The following NRK variants were observed in gnomAD, a reference collection of about 807,000 sequenced individuals.
NRK encodes the protein nik-related protein kinase.
In NRK, 67 loss-of-function variants were observed where a neutral mutation model predicts 125.2. The observed-to-expected ratio is 0.54, with a 90% CI of 0.44 to 0.66. NRK has a LOEUF of 0.66. Ranked by LOEUF, NRK falls within the 30% of genes least tolerant of loss-of-function variation. NRK has a pLI of 0.00. For synonymous variants in NRK, 458 were observed against 429.0 expected (o/e 1.07, Z -0.84); for missense variants, 1,224 against 1,192.9 (o/e 1.03, Z -0.38).
intron 19 of NRK, among the ~76,000 whole-genome samples, chrX:105,925,999 A>G (rs2040519159): frequency 2.7e-5 from 3 of 111,025 alleles, no homozygotes; most frequent in South Asian, 7.6e-4. Flanking sequence ...TGGTAGTTCT[A>G]TTTGTAGTTT....
intron 2 of NRK, among the ~76,000 whole-genome samples, chrX:105,869,642 C>T (rs1000204400): frequency 9.0e-6 from 1 of 111,525 alleles, no homozygotes; most frequent in African/African-American, 3.3e-5. Flanking sequence ...TTCACCTCAT[C>T]TTTATATTAA....
intron 1 of NRK, among the ~76,000 whole-genome samples, chrX:105,826,134 GATAT>G (rs1206763073): frequency 3.4e-5 from 3 of 88,563 alleles, no homozygotes; most frequent in African/African-American, 1.3e-4. Context: ...TATATGGTAA[GATAT>G]ATATATGATT....
intron 5 of NRK, among the ~76,000 whole-genome samples, chrX:105,889,183 G>T: frequency 8.9e-6 from 1 of 112,567 alleles, no homozygotes; most frequent in Non-Finnish European, 1.9e-5. Flanking sequence ...TGGCCCAAAC[G>T]CAGGGGCTAC....
intron 2 of NRK, among the ~76,000 whole-genome samples, chrX:105,835,944 C>T (rs7884263): frequency 0.061 from 6,779 of 111,354 alleles, 531 homozygotes; most frequent in African/African-American, 0.21. Flanking sequence ...TCTCATGCAC[C>T]TCATAAATAT....
intron 2 of NRK, among the ~76,000 whole-genome samples, chrX:105,838,039 T>A: frequency 9.0e-6 from 1 of 110,799 alleles, no homozygotes; most frequent in Non-Finnish European, 1.9e-5. Context: ...TTAGACTCTA[T>A]AATCTCCAGG....
Position 105,924,872 on chromosome X carries a change from C to A in NRK, c.3153C>A (p.Gly1051=). ...GDQEEHAANI[G]SERRGSEGDG... is the part of the protein sequence containing the mutation. ...AGGAAGAACATGCAGCCAATATAGG[C>A]AGTGAAAGAAGAGGCAGTGAGGGTG... is the stretch of plus-strand genomic sequence containing the variant. Residue 1051 remains glycine, a synonymous_variant, in exon 19 of 29, where the codon GGC becomes GGA. Coordinates refer to ENST00000243300, the MANE Select transcript of NRK (RefSeq NM_198465.4). 1 of 1,210,653 alleles carries A rather than the reference C, an allele frequency of 8.3e-7. No individual in the cohort carries two copies.
At chrX:105,900,151 TAC>T (rs202022404) in intron 8 of NRK, among the ~76,000 whole-genome samples, 6,122 of 88,968 alleles carry the variant, frequency 0.069, 196 homozygotes, top group East Asian at 0.11. Flanking sequence ...ACTGCTGAAG[TAC>T]ACACACACAC....
chrX:105,915,827 T>A (rs775768169), intron 15 of NRK, 30 bp downstream of exon 15: 2 of 775,436 alleles, frequency 2.6e-6, no homozygotes, highest in Admixed American at 4.9e-5. Context: ...ATATTAAAAT[T>A]ATTCATAATT....
intron 9 of NRK, among the ~76,000 whole-genome samples, chrX:105,902,864 T>C (rs2040176943): frequency 9.0e-6 from 1 of 110,960 alleles, no homozygotes; most frequent in Admixed American, 9.6e-5. Context: ...TACCCCTAGG[T>C]CCATGGAAAA....
intron 5 of NRK, among the ~76,000 whole-genome samples, chrX:105,889,681 C>G (rs999340869): frequency 4.4e-5 from 5 of 112,620 alleles, no homozygotes; most frequent in African/African-American, 1.6e-4. Context: ...TCAGCAGGCT[C>G]AACACCATGT....
chrX:105,908,812 C>A lies in NRK; in HGVS notation c.1171C>A (p.Gln391Lys). 8.3e-7 allele frequency: 1 copy of A among 1,211,140 alleles called. No homozygotes were observed. The highest frequency in any genetic ancestry group is 1.8e-5 in the South Asian group (1 of 56,983). ...TAGAGTCCTGCATGGGGAACCCTCT[C>A]AGCCAAGGTGGCTACCTGATCGAGA... ...PLRVLHGEPS[Q>K]PRWLPDREEP... Residue 391 changes from glutamine (Q) to lysine (K), a missense_variant, in exon 13 of 29, where the codon CAG becomes AAG. Coordinates refer to ENST00000243300, the MANE Select transcript of NRK (RefSeq NM_198465.4).
chrX:105,899,440 C>T (rs1458790415), intron 8 of NRK, among the ~76,000 whole-genome samples: 6 of 111,592 alleles, frequency 5.4e-5, no homozygotes, highest in African/African-American at 2.0e-4. Context: ...ATCTCTTTTC[C>T]CTTTCCTTAA....
At chrX:105,847,102 A>G (rs945551681) in intron 2 of NRK, among the ~76,000 whole-genome samples, 1 of 111,580 alleles carries the variant, frequency 9.0e-6, no homozygotes, top group Non-Finnish European at 1.9e-5. Context: ...ACTACAGGAG[A>G]ATTGTTAAGT....
intron 19 of NRK, among the ~76,000 whole-genome samples, chrX:105,925,831 C>T (rs2040516793): frequency 9.0e-6 from 1 of 111,119 alleles, no homozygotes; most frequent in Non-Finnish European, 1.9e-5. Context: ...GTCATGTTTT[C>T]TTTATCAATT....
At chrX:105,940,152 C>T (rs780728196) in intron 23 of NRK, 120 bp downstream of exon 23, 153 of 517,568 alleles carry the variant, frequency 3.0e-4, no homozygotes, top group East Asian at 9.6e-4. Flanking sequence ...CAAATACAGA[C>T]GAGATCAGGG....
chrX:105,842,649 T>C (rs2093226675), intron 2 of NRK, among the ~76,000 whole-genome samples: 1 of 111,744 alleles, frequency 8.9e-6, no homozygotes, highest in African/African-American at 3.3e-5. Context: ...GGGACCCTCA[T>C]TTGTTCCCTG....
intron 2 of NRK, among the ~76,000 whole-genome samples, chrX:105,858,739 A>G (rs1347849851): frequency 1.8e-5 from 2 of 111,276 alleles, no homozygotes; most frequent in Non-Finnish European, 3.8e-5. Flanking sequence ...GTGTCAGAAA[A>G]TAAATCATCT....
intron 2 of NRK, among the ~76,000 whole-genome samples, chrX:105,852,529 C>T (rs2039485083): frequency 8.9e-6 from 1 of 111,883 alleles, no homozygotes; most frequent in Non-Finnish European, 1.9e-5. Flanking sequence ...TATCCAGTTG[C>T]TCTTTGGTTG....
chrX:105,875,589 C>T (rs1602630164), intron 2 of NRK, among the ~76,000 whole-genome samples: 1 of 110,585 alleles, frequency 9.0e-6, no homozygotes, highest in East Asian at 2.8e-4. Flanking sequence ...TTGTGGAGTA[C>T]CCGGAAGTAT....
Sources: gnomAD v4.1 joint callset for allele counts (sites outside exome capture counted in the v4.1 genomes callset) on GRCh38, gnomAD v4.1.1 for gene constraint, MANE v1.5 for transcripts, NCBI Gene and HGNC (gene_info 2026-07-23, HGNC 2026-07-21) for gene names.